Variants in NBPF3 observed in about 807,000 individuals in gnomAD.
NBPF3 encodes NBPF family member NBPF3.
In NBPF3, 57 loss-of-function variants were observed where a neutral mutation model predicts 78.1. The observed-to-expected ratio is 0.73, with a 90% CI of 0.59 to 0.91. The LOEUF is 0.91. Among genes scored for constraint, NBPF3 ranks in the 40% least tolerant of loss-of-function variants. The probability of loss-of-function intolerance (pLI) is 0.00; values close to 1 mark genes in which losing one functional copy is unlikely to be tolerated. For missense variants in NBPF3, 510 were observed against 715.3 expected (o/e 0.71, Z 3.27); for synonymous variants, 182 against 271.7 (o/e 0.67, Z 3.25).
chr1:21,448,564 G>A (rs1641122077), intron 2 of NBPF3, among the ~76,000 whole-genome samples: 1 of 152,152 alleles, frequency 6.6e-6, no homozygotes, highest in South Asian at 2.1e-4. Flanking sequence ...GAAGTTGATA[G>A]TGCCAGACGT....
chr1:21,471,698 G>A lies in NBPF3; in HGVS notation c.576G>A (p.Pro192=), dbSNP rs72872294. The A allele has an allele frequency of 4.7e-3, 7,618 of 1,613,284 alleles. 288 individuals are homozygous for A. In the African/African-American group the frequency reaches 0.086, roughly 18 times the overall value. The stretch of plus-strand genomic sequence containing the variant: ...AGGCCCTCCTCACTCCGGATGAGCC[G>A]GACAACTCCCAGGGACGGGACCTCC... ...HLQALLTPDE[P]DNSQGRDLRE... Residue 192 remains proline, a synonymous_variant, in exon 5 of 15, where the codon CCG becomes CCA. Transcript: ENST00000318249.
intron 2 of NBPF3, chr1:21,453,904 C>A (rs1641451690): frequency 6.6e-6 from 1 of 152,146 alleles, no homozygotes; most frequent in African/African-American, 2.4e-5. Flanking sequence ...AGGCCTTCCC[C>A]AGAAGGCCCT....
chr1:21,455,186 A>G (rs1641530324), intron 2 of NBPF3, among the ~76,000 whole-genome samples: 1 of 151,922 alleles, frequency 6.6e-6, no homozygotes, highest in African/African-American at 2.4e-5. Context: ...CCTCCAAGGA[A>G]CTCACCTTCA....
At chr1:21,450,672 T>C (rs1641258080) in intron 2 of NBPF3, among the ~76,000 whole-genome samples, 1 of 152,208 alleles carries the variant, frequency 6.6e-6, no homozygotes, top group Non-Finnish European at 1.5e-5. Flanking sequence ...AAAGCATTAG[T>C]TCAACATGAA....
intron 9 of NBPF3, among the ~76,000 whole-genome samples, chr1:21,478,534 C>G (rs1643008511): frequency 6.6e-6 from 1 of 152,250 alleles, no homozygotes; most frequent in Admixed American, 6.5e-5. Context: ...CCTGTGCCAC[C>G]CTGGACTGAC....
chr1:21,478,187 T>G lies in NBPF3; in HGVS notation c.1036T>G (p.Trp346Gly). ...AGAGGAGGAAGCCCCCCAGGAGTCC[T>G]GGGATGAAGGTGATTGGACTCTCTC... The part of the protein sequence containing the change: ...SEEEEAPQES[W>G]DEGDWTLSIP... The change falls in exon 9 of 15, where the codon TGG (tryptophan) becomes GGG (glycine). Residue 346 changes from tryptophan (W) to glycine (G), a missense_variant. By Grantham distance (184) the Trp-to-Gly change is radical. This residue lies in a region of NBPF3 where 440 missense variants were observed against 478.2 expected (regional missense o/e 0.92). Coordinates refer to ENST00000318249, the MANE Select transcript of NBPF3 (RefSeq NM_032264.6). 1 of 1,614,178 alleles carries G rather than the reference T, an allele frequency of 6.2e-7. No individual in the cohort carries two copies. The highest frequency in any genetic ancestry group is 8.5e-7 in the Non-Finnish European group (1 of 1,180,042).
chr1:21,475,731 GAGA>G (rs1320947160), intron 8 of NBPF3, among the ~76,000 whole-genome samples: 3 of 152,204 alleles, frequency 2.0e-5, no homozygotes, highest in African/African-American at 7.2e-5. Flanking sequence ...ATGTGATGCT[GAGA>G]AGAATGAATA....
At chr1:21,470,895 GATA>G (rs1642551070) in intron 4 of NBPF3, among the ~76,000 whole-genome samples, 161 bp downstream of exon 4, 1 of 152,126 alleles carries the variant, frequency 6.6e-6, no homozygotes, top group African/African-American at 2.4e-5. Context: ...AGAGAACAAG[GATA>G]ATAATAAGTT....
In NBPF3 at chr1:21,469,805, C is replaced by T. The variant is rs554418940; in HGVS notation, c.344-827C>T. Among the ~76,000 whole-genome samples, 3 of 152,266 alleles carry T rather than the reference C, an allele frequency of 2.0e-5. No homozygotes were observed. The South Asian group carries it at 6.2e-4, about 32-fold the overall frequency. On this transcript the variant is annotated intron_variant, in intron 3 of 14. Transcript: ENST00000318249. ...CTTGTTCCTAAAGAGGAAGAAGGAT[C>T]GCACCCGAGATTGTGTGGAAGTAGC...
chr1:21,455,936 C>A (rs1641576421), intron 2 of NBPF3, among the ~76,000 whole-genome samples: 1 of 152,118 alleles, frequency 6.6e-6, no homozygotes, highest in Non-Finnish European at 1.5e-5. Context: ...TCATGCACAC[C>A]TCATTAGCAC....
rs113571230 is a variant in NBPF3, at chr1:21,461,058, A to G, written c.134-7630A>G. Among the ~76,000 whole-genome samples the G allele has an allele frequency of 1.8e-3, 271 of 152,320 alleles. 1 individual carries two copies. The highest frequency in any genetic ancestry group is 2.6e-3 in the Non-Finnish European group (175 of 68,030). ...TCACTACCCACCTAGTAGAATGGCT[A>G]TAATTTAAAAGACTGAAAATATTAA... On this transcript the variant is annotated intron_variant, in intron 2 of 14. Coordinates refer to ENST00000318249, the MANE Select transcript of NBPF3 (RefSeq NM_032264.6).
At chr1:21,469,859 G>A (rs533773811) in intron 3 of NBPF3, among the ~76,000 whole-genome samples, 49 of 152,280 alleles carry the variant, frequency 3.2e-4, no homozygotes, top group South Asian at 6.2e-4. Flanking sequence ...GGGACTCTGG[G>A]CCTGTCTCCT....
At chr1:21,437,619 G>A, upstream of NBPF3, 1 of 432,944 alleles carries the variant, frequency 2.3e-6, no homozygotes, top group Non-Finnish European at 4.0e-6. Flanking sequence ...GTGTGACTCT[G>A]CACTAATATG....
At chr1:21,464,456 G>A (rs183722745) in intron 2 of NBPF3, among the ~76,000 whole-genome samples, 1 of 152,028 alleles carries the variant, frequency 6.6e-6, no homozygotes, top group Admixed American at 6.6e-5. Flanking sequence ...GCACAAGAGG[G>A]GGGGAATTGG....
chr1:21,479,237 A>G (rs2316504), intron 9 of NBPF3, 112 bp from the exon 10 acceptor site: 909,035 of 1,174,216 alleles, frequency 0.77, 354,497 homozygotes, highest in South Asian at 0.9. Flanking sequence ...AAAGTCTCCT[A>G]TTCTCACACT....
intron 8 of NBPF3, among the ~76,000 whole-genome samples, chr1:21,475,645 CT>C (rs1264099662): frequency 6.6e-6 from 1 of 152,170 alleles, no homozygotes; most frequent in African/African-American, 2.4e-5. Flanking sequence ...GATTTCTGTT[CT>C]TTTACATTTG....
chr1:21,483,811 G>C lies in NBPF3; in HGVS notation c.*425G>C, dbSNP rs1359542083. 1 of 102,700 alleles carries C rather than the reference G, an allele frequency of 9.7e-6. No homozygotes were observed. Among genetic ancestry groups the C allele is most frequent in the Non-Finnish European group, 2.1e-5 (1 of 47,636 alleles). The allele number at this position is 102,700 out of a possible 1,614,324, so 6.4% of individuals were successfully genotyped here. A position where few individuals can be genotyped will look rare whatever the true frequency, so the allele number is the denominator to read the frequency against. ...CCCCATTCTTTGTATCTTCAGTGTT[G>C]GTTTGTTTTAGCTGATCCATCTGTA... On this transcript the variant is annotated 3_prime_UTR_variant, in exon 15 of 15. Coordinates refer to ENST00000318249, the MANE Select transcript of NBPF3 (RefSeq NM_032264.6).
intron 7 of NBPF3, among the ~76,000 whole-genome samples, chr1:21,474,210 C>CTT (rs11453851): frequency 0.013 from 1,824 of 143,880 alleles, 24 homozygotes; most frequent in Admixed American, 0.022. Flanking sequence ...TTTTCTTTTT[C>CTT]TTTTTTTTTT....
At chr1:21,468,379 A>C (rs1414889435) in intron 2 of NBPF3, 13 of 1,276,350 alleles carry the variant, frequency 1.0e-5, no homozygotes, top group Non-Finnish European at 1.3e-5. Flanking sequence ...GGGCAATTGG[A>C]ATGCAGGGCT....
Sources: allele counts gnomAD v4.1 joint callset (sites outside exome capture counted in the v4.1 genomes callset), GRCh38; gene constraint gnomAD v4.1.1; regional missense constraint gnomAD v4.1.1; transcripts MANE v1.5; gene names NCBI Gene and HGNC (gene_info 2026-07-23, HGNC 2026-07-21).